PGPEP1L: variants seen among roughly 807,000 people sequenced by gnomAD.
PGPEP1L encodes pyroglutamyl-peptidase I like.
Under a neutral mutation model 6.0 loss-of-function variants are expected in PGPEP1L, and 7 were observed. The ratio of observed to expected loss-of-function variants is 1.17; its 90% confidence interval spans 0.66 to 2.19. The LOEUF is 2.19. Ranked by LOEUF, PGPEP1L falls within the 30% of genes most tolerant of loss-of-function variation. The pLI, the probability that PGPEP1L is intolerant of heterozygous loss-of-function variation, is 0.00. For synonymous variants in PGPEP1L, 103 were observed against 83.9 expected (o/e 1.23, Z -1.24); for missense variants, 209 against 192.5 (o/e 1.09, Z -0.51).
chr15:98,978,706 G>GTGTGTATATATATATATATA (rs1454206317), intron 2 of PGPEP1L, among the ~76,000 whole-genome samples: 1 of 90,568 alleles, frequency 1.1e-5, no homozygotes, highest in African/African-American at 4.5e-5. Flanking sequence ...ATTAGACTGT[G>GTGTGTATATATATATATATA]TATATATATA....
chr15:99,001,655 A>G (rs1333461925), intron 2 of PGPEP1L, among the ~76,000 whole-genome samples: 2 of 152,192 alleles, frequency 1.3e-5, no homozygotes, highest in East Asian at 3.8e-4. Context: ...TCCAAGTGAA[A>G]AAGAACCAAT....
chr15:99,004,716 C>CA (rs778276596), intron 2 of PGPEP1L, among the ~76,000 whole-genome samples: 210 of 151,462 alleles, frequency 1.4e-3, no homozygotes, highest in Admixed American at 2.8e-3. Flanking sequence ...GACTCTGTCT[C>CA]AAAAAAAAAT....
intron 2 of PGPEP1L, among the ~76,000 whole-genome samples, chr15:98,990,262 G>A (rs925843509): frequency 2.0e-4 from 31 of 151,850 alleles, no homozygotes; most frequent in African/African-American, 7.3e-4. Flanking sequence ...AAGGGATGGA[G>A]GAATATTTAC....
At chr15:99,005,031 C>T (rs1280493861) in intron 2 of PGPEP1L, among the ~76,000 whole-genome samples, 87 of 151,928 alleles carry the variant, frequency 5.7e-4, no homozygotes, top group African/African-American at 2.0e-3. Flanking sequence ...GGTTTCTGGG[C>T]GTATAGATCC....
chr15:99,001,594 CTT>C (rs1318504620), intron 2 of PGPEP1L, among the ~76,000 whole-genome samples: 3 of 152,084 alleles, frequency 2.0e-5, no homozygotes, highest in South Asian at 2.1e-4. Flanking sequence ...AGTTTAAAAA[CTT>C]TTTATAATGG....
intron 2 of PGPEP1L, among the ~76,000 whole-genome samples, chr15:99,005,219 G>A (rs1401093092): frequency 2.6e-5 from 4 of 152,212 alleles, no homozygotes; most frequent in Non-Finnish European, 5.9e-5. Flanking sequence ...AAGCGAATGA[G>A]CCACAGAAGC....
intron 2 of PGPEP1L, among the ~76,000 whole-genome samples, chr15:98,986,987 T>C (rs932992944): frequency 4.6e-5 from 7 of 151,698 alleles, no homozygotes; most frequent in African/African-American, 1.7e-4. Context: ...GCCAATATGA[T>C]GAAACCTCGT....
intron 2 of PGPEP1L, among the ~76,000 whole-genome samples, chr15:98,993,718 A>T (rs1292167891): frequency 1.3e-5 from 2 of 152,108 alleles, no homozygotes; most frequent in African/African-American, 4.8e-5. Flanking sequence ...GAAATACCTA[A>T]TATAGATGAT....
At position 98,968,415 on chromosome 15, in the gene PGPEP1L, C is replaced by A. The variant is rs2017434159; in HGVS notation, c.*63G>T. 1 of 1,515,516 alleles carries A rather than the reference C, an allele frequency of 6.6e-7. No individual in the cohort carries two copies. Among genetic ancestry groups the A allele is most frequent in the East Asian group, 2.4e-5 (1 of 42,372 alleles). The allele number at this position is 1,515,516 out of a possible 1,614,324, so 93.9% of individuals were successfully genotyped here. On this transcript the variant is annotated 3_prime_UTR_variant, in exon 5 of 5. Coordinates refer to ENST00000535714, the MANE Select transcript of PGPEP1L (RefSeq NM_001167902.2). ...CAATTTTTGAAAAAGTTTCTCAATGCACAGTTGAGTGCTACATACAGGATT... is the reference window on the plus strand; with the variant it reads ...CAATTTTTGAAAAAGTTTCTCAATGAACAGTTGAGTGCTACATACAGGATT...
At chr15:99,000,573 CCT>C (rs2017951348) in intron 2 of PGPEP1L, among the ~76,000 whole-genome samples, 1 of 152,164 alleles carries the variant, frequency 6.6e-6, no homozygotes, top group African/African-American at 2.4e-5. Context: ...CAATCAGCAC[CCT>C]GTGTCTAGCT....
At chr15:98,985,864 A>T (rs1555471428) in intron 2 of PGPEP1L, among the ~76,000 whole-genome samples, 1 of 152,240 alleles carries the variant, frequency 6.6e-6, no homozygotes, top group Admixed American at 6.5e-5. Flanking sequence ...TTTTCAGAAG[A>T]AGTTAGCCTT....
chr15:98,984,859 T>C (rs1213718920), intron 2 of PGPEP1L, among the ~76,000 whole-genome samples: 1 of 151,350 alleles, frequency 6.6e-6, no homozygotes, highest in Non-Finnish European at 1.5e-5. Flanking sequence ...AAATGAAAGC[T>C]AGAGACTGAT....
intron 3 of PGPEP1L, among the ~76,000 whole-genome samples, chr15:98,970,272 G>C (rs1308247307): frequency 6.6e-6 from 1 of 152,158 alleles, no homozygotes; most frequent in South Asian, 2.1e-4. Context: ...TCAAACTCCT[G>C]ACCTCAAGTG....
intron 2 of PGPEP1L, among the ~76,000 whole-genome samples, chr15:99,000,351 C>T (rs114744367): frequency 0.078 from 11,921 of 152,286 alleles, 544 homozygotes; most frequent in South Asian, 0.11. Context: ...TCCACGGCGC[C>T]CAGTCCCATC....
In PGPEP1L at chr15:98,982,700, C is replaced by CTTTTTTTTTTTTTTTTT. The variant is rs369749842; in HGVS notation, c.-141-11559_-141-11543dup. On this transcript the variant is annotated intron_variant, in intron 2 of 4. Transcript: ENST00000535714. ...TCACTCTGGTTATTTTTATCTGAGG[C>CTTTTTTTTTTTTTTTTT]TTTTTTTTTTTTTTTTTTTTTTTTT... Among the ~76,000 whole-genome samples, 112 of 52,494 alleles carry CTTTTTTTTTTTTTTTTT rather than the reference C, an allele frequency of 2.1e-3. 16 individuals carry two copies. The highest frequency in any genetic ancestry group is 3.9e-3 in the Non-Finnish European group (93 of 23,876). 34.4% of individuals were successfully genotyped at this position (52,494 alleles called of 152,430 possible).
intron 2 of PGPEP1L, among the ~76,000 whole-genome samples, chr15:98,988,108 C>A (rs1434107861): frequency 6.6e-6 from 1 of 152,086 alleles, no homozygotes; most frequent in Non-Finnish European, 1.5e-5. Context: ...TTTTTTCATA[C>A]CCCAGTGGCA....
chr15:99,001,937 C>T (rs535773712), intron 2 of PGPEP1L, among the ~76,000 whole-genome samples: 5 of 152,096 alleles, frequency 3.3e-5, no homozygotes, highest in South Asian at 2.1e-4. Context: ...AGGCTGGTCT[C>T]GAACTCCTGC....
chr15:99,005,102 A>AG (rs1282117673), intron 2 of PGPEP1L, among the ~76,000 whole-genome samples: 5 of 152,108 alleles, frequency 3.3e-5, no homozygotes, highest in Non-Finnish European at 5.9e-5. Flanking sequence ...GGCCCCACTC[A>AG]GGGAAAACAG....
intron 2 of PGPEP1L, among the ~76,000 whole-genome samples, chr15:98,989,736 G>C (rs535629410): frequency 6.6e-6 from 1 of 152,146 alleles, no homozygotes; most frequent in Admixed American, 6.5e-5. Context: ...AGAGAGAAAG[G>C]TCGGGTTACC....
Sources: allele counts gnomAD v4.1 joint callset (sites outside exome capture counted in the v4.1 genomes callset), GRCh38; gene constraint gnomAD v4.1.1; transcripts MANE v1.5; gene names NCBI Gene and HGNC (gene_info 2026-07-23, HGNC 2026-07-21).